The following SOX5 variants were observed in gnomAD, a reference collection of about 807,000 sequenced individuals.
The protein encoded by SOX5 is transcription factor SOX-5.
Under a neutral mutation model 92.0 loss-of-function variants are expected in SOX5, and 9 were observed. The ratio of observed to expected loss-of-function variants is 0.10; its 90% CI spans 0.06 to 0.17. The LOEUF is 0.17. Ranked by LOEUF, SOX5 falls within the 10% of genes least tolerant of loss-of-function variation. SOX5 has a pLI of 1.00. For missense variants in SOX5, 642 were observed against 944.5 expected, an observed-to-expected ratio of 0.68 and a Z score of 4.20; for synonymous variants, 344 against 336.3, an observed-to-expected ratio of 1.02 and a Z score of -0.25.
intron 4 of SOX5, among the ~76,000 whole-genome samples, chr12:23,963,743 A>G (rs1438880163): frequency 7.1e-6 from 1 of 140,774 alleles, no homozygotes; most frequent in Non-Finnish European, 1.5e-5. Context: ...GTATACATGC[A>G]GGCAGGCATG....
Position 23,640,799 on chromosome 12 carries a change from T to C in SOX5, c.1017+13A>G. On this transcript the variant is annotated intron_variant, in intron 8 of 14. Coordinates refer to ENST00000451604, the MANE Select transcript of SOX5 (RefSeq NM_006940.6). Reference sequence around the variant, plus strand: ...CTTAACCTTTGTCTCCTCTGTATTGTTTCCTGACTTACCTGCAGTTGGAGT... The same window carrying C: ...CTTAACCTTTGTCTCCTCTGTATTGCTTCCTGACTTACCTGCAGTTGGAGT... 1 of 1,602,928 alleles carries C rather than the reference T, an allele frequency of 6.2e-7. No homozygotes were observed. The highest frequency in any genetic ancestry group is 8.5e-7 in the Non-Finnish European group (1 of 1,169,792).
chr12:24,453,731 T>C (rs1942641492), intron 1 of SOX5, among the ~76,000 whole-genome samples: 1 of 152,210 alleles, frequency 6.6e-6, no homozygotes, highest in Non-Finnish European at 1.5e-5. Flanking sequence ...TAAATGGATA[T>C]GATAGCCAAT....
intron 7 of SOX5, among the ~76,000 whole-genome samples, chr12:23,656,986 T>C (rs999525209): frequency 2.0e-5 from 3 of 152,078 alleles, no homozygotes; most frequent in Non-Finnish European, 2.9e-5. Context: ...ATGAAGGGTA[T>C]TATGAGCTGA....
intron 4 of SOX5, among the ~76,000 whole-genome samples, chr12:24,057,444 C>G (rs530045898): frequency 7.9e-5 from 12 of 152,204 alleles, no homozygotes; most frequent in African/African-American, 2.4e-4. Flanking sequence ...ATTATCAACA[C>G]TTTTGTGTTA....
chr12:23,985,619 A>G (rs578030117), intron 4 of SOX5, among the ~76,000 whole-genome samples: 13 of 152,226 alleles, frequency 8.5e-5, no homozygotes, highest in African/African-American at 2.9e-4. Flanking sequence ...TCATAGATAC[A>G]CATAGAAACA....
intron 8 of SOX5, among the ~76,000 whole-genome samples, chr12:23,626,672 T>C (rs1226698557): frequency 1.6e-4 from 1 of 6,096 alleles, no homozygotes; most frequent in Non-Finnish European, 3.9e-4. Flanking sequence ...TCATTAGTGC[T>C]TTTTTTTTTT....
intron 4 of SOX5, among the ~76,000 whole-genome samples, chr12:23,957,120 G>A (rs931358175): frequency 6.6e-6 from 1 of 152,034 alleles, no homozygotes; most frequent in Admixed American, 6.6e-5. Context: ...ACAGTTTTAA[G>A]ACTATTACTT....
At chr12:24,149,567 C>G (rs1426602455) in intron 4 of SOX5, among the ~76,000 whole-genome samples, 1 of 152,132 alleles carries the variant, frequency 6.6e-6, no homozygotes, top group Non-Finnish European at 1.5e-5. Flanking sequence ...CCTGAAGGAA[C>G]TGGAAATACT....
intron 1 of SOX5, among the ~76,000 whole-genome samples, chr12:23,913,120 TGAACTA>T (rs1430820133): frequency 6.6e-6 from 1 of 152,186 alleles, no homozygotes; most frequent in South Asian, 2.1e-4. Flanking sequence ...AGAAAGTGGC[TGAACTA>T]GAATTTGGCG....
chr12:23,931,141 C>G (rs1941316447), intron 1 of SOX5, among the ~76,000 whole-genome samples: 1 of 151,740 alleles, frequency 6.6e-6, no homozygotes, highest in African/African-American at 2.4e-5. Context: ...AAATATTTCA[C>G]TACTGCTTTA....
intron 3 of SOX5, among the ~76,000 whole-genome samples, chr12:24,214,861 A>G (rs1046618684): frequency 1.3e-5 from 2 of 152,034 alleles, no homozygotes; most frequent in African/African-American, 2.4e-5. Context: ...ATAATTTTGG[A>G]ATATTTAGAT....
At chr12:23,978,135 A>G (rs1949126263) in intron 4 of SOX5, among the ~76,000 whole-genome samples, 1 of 152,204 alleles carries the variant, frequency 6.6e-6, no homozygotes, top group Non-Finnish European at 1.5e-5. Context: ...AAGGACCCAA[A>G]GGTGTGCTAA....
At chr12:23,800,053 T>G (rs1385814448) in intron 3 of SOX5, among the ~76,000 whole-genome samples, 1 of 152,066 alleles carries the variant, frequency 6.6e-6, no homozygotes, top group African/African-American at 2.4e-5. Flanking sequence ...CTTAGAGTGA[T>G]ATCTAAAATG....
intron 8 of SOX5, among the ~76,000 whole-genome samples, chr12:23,607,065 C>T (rs1462123855): frequency 1.3e-5 from 2 of 152,134 alleles, no homozygotes; most frequent in Non-Finnish European, 2.9e-5. Flanking sequence ...TGCCCATAAA[C>T]CCTTTCTCAT....
intron 3 of SOX5, among the ~76,000 whole-genome samples, chr12:23,822,485 G>C (rs573925468): frequency 7.9e-5 from 12 of 152,214 alleles, no homozygotes; most frequent in African/African-American, 1.4e-4. Context: ...TGTGGTCTAA[G>C]AGACTGTTAT....
At chr12:24,548,032 G>A (rs569447348) in intron 1 of SOX5, among the ~76,000 whole-genome samples, 109 of 152,196 alleles carry the variant, frequency 7.2e-4, no homozygotes, top group African/African-American at 2.5e-3. Flanking sequence ...ATTATGTGCC[G>A]GAGATTTTTT....
chr12:24,459,096 T>C (rs1255198332), intron 1 of SOX5, among the ~76,000 whole-genome samples: 1 of 152,172 alleles, frequency 6.6e-6, no homozygotes, highest in African/African-American at 2.4e-5. Flanking sequence ...ATTGTTTCCG[T>C]TCCCCCTCTC....
chr12:24,059,446 AG>A (rs1468992604), intron 4 of SOX5, among the ~76,000 whole-genome samples: 1 of 152,142 alleles, frequency 6.6e-6, no homozygotes, highest in Non-Finnish European at 1.5e-5. Flanking sequence ...GCCTAGTCCA[AG>A]GTTTGGTTTT....
intron 4 of SOX5, among the ~76,000 whole-genome samples, chr12:24,174,998 ATGTTT>A (rs1280057877): frequency 6.6e-6 from 1 of 152,204 alleles, no homozygotes; most frequent in Non-Finnish European, 1.5e-5. Context: ...ACTAAAAGCT[ATGTTT>A]TGATTATGAG....
Sources: gnomAD v4.1 joint callset for allele counts (sites outside exome capture counted in the v4.1 genomes callset) on GRCh38, gnomAD v4.1.1 for gene constraint, MANE v1.5 for transcripts, NCBI Gene and HGNC (gene_info 2026-07-23, HGNC 2026-07-21) for gene names.